MRTFB: variants seen among roughly 807,000 people sequenced by gnomAD.
MRTFB encodes myocardin-related transcription factor B.
MRTFB carries 29 observed loss-of-function variants against 104.2 expected under a neutral mutation model. The observed-to-expected ratio is 0.28, with a 90% CI of 0.21 to 0.38. The LOEUF is 0.38. Among genes scored for constraint, MRTFB ranks in the 10% least tolerant of loss-of-function variants. MRTFB has a pLI of 1.00. For synonymous variants in MRTFB, 535 were observed against 519.5 expected, an observed-to-expected ratio of 1.03 and a Z score of -0.41; for missense variants, 1,270 against 1,341.6, an observed-to-expected ratio of 0.95 and a Z score of 0.83.
chr16:14,232,503 G>GCCCTTTC (rs1327766646), intron 8 of MRTFB, among the ~76,000 whole-genome samples: 1 of 152,196 alleles, frequency 6.6e-6, no homozygotes, highest in Non-Finnish European at 1.5e-5. Flanking sequence ...TCTTAGATGA[G>GCCCTTTC]CCCTTTCCCT....
upstream of MRTFB, among the ~76,000 whole-genome samples, chr16:14,069,293 T>C (rs560198883): frequency 1.7e-4 from 25 of 149,102 alleles, no homozygotes; most frequent in Admixed American, 4.0e-4. Flanking sequence ...CTTTGGACTC[T>C]AGGACTCGCT....
At chr16:14,234,972 C>G (rs2042428804) in intron 9 of MRTFB, among the ~76,000 whole-genome samples, 1 of 152,082 alleles carries the variant, frequency 6.6e-6, no homozygotes, top group Non-Finnish European at 1.5e-5. Context: ...GAATATAGAT[C>G]TCAAACTTTT....
rs2043823778 is a variant in MRTFB at position 14,262,918 on chromosome 16, T to C, written c.*1474T>C. 6.6e-6 allele frequency: 1 copy of C among 152,546 alleles called. No individual in the cohort carries two copies. Among genetic ancestry groups the C allele is most frequent in the South Asian group, 2.1e-4 (1 of 4,834 alleles). 9.4% of individuals were successfully genotyped at this position (152,546 alleles called of 1,614,324 possible). On this transcript the variant is annotated 3_prime_UTR_variant, in exon 17 of 17. Coordinates refer to ENST00000571589, the MANE Select transcript of MRTFB (RefSeq NM_001308142.2). Reference sequence around the variant, plus strand: ...TTCCCCTGGGTCACAAAATGGTAAATGTTCCATACTGACATGCCGGAGGCA... The same window carrying C: ...TTCCCCTGGGTCACAAAATGGTAAACGTTCCATACTGACATGCCGGAGGCA...
chr16:14,245,670 G>C lies in MRTFB; in HGVS notation c.1212+10G>C. 6.2e-7 allele frequency: 1 copy of C among 1,604,048 alleles called. No homozygotes were observed. The highest frequency in any genetic ancestry group is 8.5e-7 in the Non-Finnish European group (1 of 1,177,504). On this transcript the variant is annotated intron_variant, in intron 11 of 16. Coordinates refer to ENST00000571589, the MANE Select transcript of MRTFB (RefSeq NM_001308142.2). ...CCTGGATGACTTAAAGGTGACAATTGCAACTGGAGCTTATTCACCCCTAAG... is the reference window on the plus strand; with the variant it reads ...CCTGGATGACTTAAAGGTGACAATTCCAACTGGAGCTTATTCACCCCTAAG...
the MRTFB span, among the ~76,000 whole-genome samples, chr16:13,998,691 G>A: frequency 1.3e-4 from 19 of 150,858 alleles, no homozygotes; most frequent in Non-Finnish European, 7.4e-5. Context: ...AGGAAGAAGA[G>A]GAAGAGGGAA....
intron 7 of MRTFB, 107 bp from the exon 8 acceptor site, chr16:14,218,713 T>A: frequency 1.7e-6 from 2 of 1,154,454 alleles, no homozygotes; most frequent in Non-Finnish European, 2.4e-6. Flanking sequence ...ATTTTTTTTT[T>A]AAGCAGCTTC....
chr16:14,247,515 G>A lies in MRTFB; in HGVS notation c.2247+8G>A, dbSNP rs2043074555. The A allele has an allele frequency of 6.5e-7, 1 of 1,539,372 alleles. No individual in the cohort carries two copies. The highest frequency in any genetic ancestry group is 1.2e-5 in the South Asian group (1 of 84,410). ...GGCAGCCTCAAACTCCAGGTGTGAA[G>A]TGTGTCTTCTAACTACTTTGCCTTA... On this transcript the variant is annotated splice_region_variant and intron_variant, in intron 12 of 16. Coordinates refer to ENST00000571589, the MANE Select transcript of MRTFB (RefSeq NM_001308142.2).
chr16:14,240,931 A>G (rs1235030481), intron 10 of MRTFB: 3 of 608,274 alleles, frequency 4.9e-6, no homozygotes, highest in Non-Finnish European at 8.7e-6. Flanking sequence ...TTCCAGGCAC[A>G]GGGGAATGCT....
intron 3 of MRTFB, among the ~76,000 whole-genome samples, chr16:14,168,343 A>G (rs2039316395): frequency 1.3e-5 from 2 of 152,144 alleles, no homozygotes; most frequent in South Asian, 4.1e-4. Flanking sequence ...ATTTACCAAG[A>G]TACAGAGCAT....
At chr16:14,188,529 A>G (rs1162108143) in intron 3 of MRTFB, among the ~76,000 whole-genome samples, 1 of 152,176 alleles carries the variant, frequency 6.6e-6, no homozygotes, top group Non-Finnish European at 1.5e-5. Flanking sequence ...CACAAAATAG[A>G]GTTGTGATGG....
intron 2 of MRTFB, among the ~76,000 whole-genome samples, chr16:14,121,866 A>G (rs1200236921): frequency 1.3e-5 from 2 of 152,214 alleles, no homozygotes; most frequent in African/African-American, 2.4e-5. Flanking sequence ...GACAGGTGCA[A>G]TTGTAGAACT....
intron 3 of MRTFB, among the ~76,000 whole-genome samples, chr16:14,166,662 C>T (rs995853925): frequency 3.9e-5 from 6 of 152,038 alleles, no homozygotes; most frequent in South Asian, 2.1e-4. Flanking sequence ...TCCTGCCCAC[C>T]GCACCCACCC....
At chr16:14,201,251 A>G (rs964451117) in intron 3 of MRTFB, among the ~76,000 whole-genome samples, 6 of 152,216 alleles carry the variant, frequency 3.9e-5, no homozygotes, top group African/African-American at 1.4e-4. Flanking sequence ...CGGCCATGTA[A>G]TATCAGTATA....
the MRTFB span, among the ~76,000 whole-genome samples, chr16:14,037,839 T>G: frequency 6.6e-6 from 1 of 152,220 alleles, no homozygotes; most frequent in Non-Finnish European, 1.5e-5. Flanking sequence ...CTTCTCTACC[T>G]GTGGGGCTTG....
chr16:14,089,363 T>C (rs936270077), intron 2 of MRTFB, among the ~76,000 whole-genome samples: 1 of 152,208 alleles, frequency 6.6e-6, no homozygotes, highest in African/African-American at 2.4e-5. Context: ...TCTCTTTGGA[T>C]TTACCTGTTC....
intron 2 of MRTFB, among the ~76,000 whole-genome samples, chr16:14,081,927 A>T (rs111995841): frequency 6.6e-6 from 1 of 152,142 alleles, no homozygotes; most frequent in Non-Finnish European, 1.5e-5. Context: ...AGTTTCTTAC[A>T]TATTTTGGAT....
At chr16:14,102,544 A>G (rs2035758755) in intron 2 of MRTFB, among the ~76,000 whole-genome samples, 1 of 152,228 alleles carries the variant, frequency 6.6e-6, no homozygotes, top group African/African-American at 2.4e-5. Flanking sequence ...TATTTACTTT[A>G]GAGTTTTTGT....
chr16:14,195,880 C>CT (rs963949344), intron 3 of MRTFB, among the ~76,000 whole-genome samples: 2 of 152,130 alleles, frequency 1.3e-5, no homozygotes, highest in African/African-American at 2.4e-5. Context: ...GAATTTAGAA[C>CT]TTTAAGGATA....
intron 1 of MRTFB, among the ~76,000 whole-genome samples, chr16:14,073,683 T>A (rs1021445969): frequency 1.3e-5 from 2 of 152,140 alleles, no homozygotes; most frequent in South Asian, 4.1e-4. Context: ...TAGAATGGAG[T>A]TGGGAAGCAA....
Sources: gnomAD v4.1 joint callset for allele counts (sites outside exome capture counted in the v4.1 genomes callset) on GRCh38, gnomAD v4.1.1 for gene constraint, MANE v1.5 for transcripts, NCBI Gene and HGNC (gene_info 2026-07-23, HGNC 2026-07-21) for gene names.